Variants in LOXHD1 observed in about 807,000 individuals in gnomAD.
LOXHD1 encodes lipoxygenase homology PLAT domains 1, also known as lipoxygenase homology domain-containing protein 1.
Under a neutral mutation model 248.2 loss-of-function variants are expected in LOXHD1, and 205 were observed. That is an observed-to-expected ratio of 0.83 (90% CI 0.74 to 0.93). The LOEUF (loss-of-function observed/expected upper bound fraction) is 0.93, where lower values mean the gene tolerates loss of function less well. Ranked by LOEUF, LOXHD1 falls within the 40% of genes least tolerant of loss-of-function variation. The pLI is 0.00. For synonymous variants in LOXHD1, 1,113 were observed against 1,162.8 expected (o/e 0.96, Z 0.87); for missense variants, 2,930 against 2,971.6 (o/e 0.99, Z 0.33).
At chr18:46,537,427 C>T (rs1166660741) in intron 26 of LOXHD1, among the ~76,000 whole-genome samples, 1 of 152,160 alleles carries the variant, frequency 6.6e-6, no homozygotes, top group Non-Finnish European at 1.5e-5. Context: ...ATGACAATGA[C>T]CATCACCAGA....
chr18:46,503,356 C>G (rs2034354908), intron 37 of LOXHD1, among the ~76,000 whole-genome samples: 1 of 152,218 alleles, frequency 6.6e-6, no homozygotes. Flanking sequence ...GCCTGCCACC[C>G]TTACTAATCT....
intron 37 of LOXHD1, among the ~76,000 whole-genome samples, chr18:46,491,080 G>T (rs1312835159): frequency 3.3e-5 from 5 of 152,232 alleles, no homozygotes; most frequent in African/African-American, 1.2e-4. Context: ...CAGAGAAAAA[G>T]GCGACAAGTT....
intron 5 of LOXHD1, among the ~76,000 whole-genome samples, chr18:46,614,886 T>G (rs2038563409): frequency 6.6e-6 from 1 of 152,204 alleles, no homozygotes; most frequent in Admixed American, 6.5e-5. Flanking sequence ...ACTATTTATA[T>G]AAGATGGAGA....
chr18:46,554,789 G>T (rs1282468684), intron 21 of LOXHD1, among the ~76,000 whole-genome samples: 1 of 152,166 alleles, frequency 6.6e-6, no homozygotes, highest in Non-Finnish European at 1.5e-5. Flanking sequence ...AACTTAACAA[G>T]AATGTGTAGC....
intron 4 of LOXHD1, among the ~76,000 whole-genome samples, chr18:46,621,271 T>TA (rs574615256): frequency 1.8e-4 from 28 of 152,318 alleles, no homozygotes; most frequent in Admixed American, 1.5e-3. Context: ...GATGGACAGA[T>TA]ACACCTCACG....
chr18:46,589,055 T>C (rs754356850), intron 12 of LOXHD1, among the ~76,000 whole-genome samples: 4 of 151,630 alleles, frequency 2.6e-5, no homozygotes, highest in Non-Finnish European at 5.9e-5. Flanking sequence ...AGTGGGTGAG[T>C]GTTGGAGGCT....
intron 4 of LOXHD1, among the ~76,000 whole-genome samples, chr18:46,626,207 G>A (rs1419359279): frequency 6.6e-6 from 1 of 152,132 alleles, no homozygotes; most frequent in Non-Finnish European, 1.5e-5. Context: ...AGGAGATTTG[G>A]GGGGTGACAT....
chr18:46,591,646 A>G (rs1186831326), intron 12 of LOXHD1, among the ~76,000 whole-genome samples: 2 of 152,126 alleles, frequency 1.3e-5, no homozygotes, highest in Non-Finnish European at 2.9e-5. Flanking sequence ...GGCTCTGGAG[A>G]ACTATTGCTC....
rs943633635 is a variant in LOXHD1, at chr18:46,477,747, C to T, written c.6547G>A (p.Gly2183Arg). 1.2e-5 allele frequency: 18 copies of T among 1,551,936 alleles called. No individual in the cohort carries two copies. The highest frequency in any genetic ancestry group is 7.3e-5 in the East Asian group (3 of 40,922). The change falls in exon 41 of 41, where the codon GGA becomes AGA. Residue 2183 changes from glycine to arginine, a missense_variant. By Grantham distance (125) the Gly-to-Arg change is moderately radical. Coordinates refer to ENST00000642948, the MANE Select transcript of LOXHD1 (RefSeq NM_001384474.1). The stretch of plus-strand genomic sequence containing the variant: ...TTCAGCTCCCGCTTGCCTGTGTCTC[C>T]GTTGGCCCCAAAGATGGTCACGAAG... ...NVFVTIFGANGDTGKRELKQK... is the reference protein window; with the variant it reads ...NVFVTIFGANRDTGKRELKQK...
At chr18:46,551,398 C>T (rs999032523) in intron 21 of LOXHD1, among the ~76,000 whole-genome samples, 2 of 152,134 alleles carry the variant, frequency 1.3e-5, no homozygotes, top group East Asian at 1.9e-4. Context: ...CCACCACACC[C>T]GGCCAACTCC....
intron 4 of LOXHD1, among the ~76,000 whole-genome samples, chr18:46,627,956 G>A (rs1459930237): frequency 6.6e-6 from 1 of 152,122 alleles, no homozygotes; most frequent in Non-Finnish European, 1.5e-5. Flanking sequence ...TAGAGAGAAG[G>A]GCCTGTATGT....
At chr18:46,561,715 C>G (rs887641819) in intron 18 of LOXHD1, among the ~76,000 whole-genome samples, 2 of 152,214 alleles carry the variant, frequency 1.3e-5, no homozygotes, top group African/African-American at 4.8e-5. Context: ...AACAAACCAC[C>G]TTTGCCAGAA....
At chr18:46,500,275 A>G (rs142144744) in intron 37 of LOXHD1, among the ~76,000 whole-genome samples, 1 of 152,262 alleles carries the variant, frequency 6.6e-6, no homozygotes, top group East Asian at 1.9e-4. Flanking sequence ...TTACTATCTC[A>G]GATCAATCTT....
intron 2 of LOXHD1, among the ~76,000 whole-genome samples, chr18:46,647,266 G>T (rs1420387524): frequency 6.6e-6 from 1 of 152,172 alleles, no homozygotes; most frequent in African/African-American, 2.4e-5. Flanking sequence ...CCATGAGAGG[G>T]AAGGCTGGAA....
At chr18:46,644,529 C>T (rs932170731) in intron 2 of LOXHD1, among the ~76,000 whole-genome samples, 1 of 152,178 alleles carries the variant, frequency 6.6e-6, no homozygotes, top group Non-Finnish European at 1.5e-5. Context: ...ACCAGCCTGG[C>T]CAACATAGCA....
At chr18:46,640,994 G>A (rs1469289045) in intron 3 of LOXHD1, among the ~76,000 whole-genome samples, 1 of 152,096 alleles carries the variant, frequency 6.6e-6, no homozygotes, top group East Asian at 1.9e-4. Context: ...CCTTCCCTTG[G>A]AAGGATGTAT....
rs1385506563 is a variant in LOXHD1, at chr18:46,606,161, G to A, written c.760-1932C>T. Among the ~76,000 whole-genome samples, 9 of 152,222 alleles carry A rather than the reference G, an allele frequency of 5.9e-5. No homozygotes were observed. The South Asian group carries it at 1.9e-3, about 32-fold the overall frequency. On this transcript the variant is annotated intron_variant, in intron 6 of 40. Transcript: ENST00000642948. ...AAAAATAACTAAGTTAAGTAAGAAA[G>A]GGAATCAAGAAAAATAAAACTATAC...
Position 46,621,358 on chromosome 18 carries a change from T to C in LOXHD1, c.512-3068A>G, listed in dbSNP as rs548110018. ...CTCTTTTACCTCCTTTATTTCATAT[T>C]CCCTCTTCAAGCAGAACCCCAGACT... On this transcript the variant is annotated intron_variant, in intron 4 of 40. Transcript: ENST00000642948. 3.2e-4 allele frequency among the ~76,000 whole-genome samples: 49 copies of C among 152,324 alleles called. 1 individual carries two copies. In the South Asian group the frequency reaches 7.0e-3, roughly 22 times the overall value.
chr18:46,524,654 G>T, intron 30 of LOXHD1, 53 bp from the exon 31 acceptor site: 1 of 1,551,154 alleles, frequency 6.4e-7, no homozygotes, highest in Non-Finnish European at 8.7e-7. Flanking sequence ...CCACCTCGAG[G>T]GACCTCCCCT....
Sources: allele counts gnomAD v4.1 joint callset (sites outside exome capture counted in the v4.1 genomes callset), GRCh38; gene constraint gnomAD v4.1.1; transcripts MANE v1.5; gene names NCBI Gene and HGNC (gene_info 2026-07-23, HGNC 2026-07-21).